CACNA1D: variants seen among roughly 807,000 people sequenced by gnomAD.
CACNA1D encodes voltage-dependent L-type calcium channel subunit alpha-1D.
Under a neutral mutation model 257.1 loss-of-function variants are expected in CACNA1D, and 55 were observed. That is an observed-to-expected ratio of 0.21 (90% CI 0.17 to 0.27). The LOEUF is 0.27. Among genes scored for constraint, CACNA1D ranks in the 10% least tolerant of loss-of-function variants. CACNA1D has a pLI of 1.00. For missense variants in CACNA1D, 1,876 were observed against 2,784.0 expected, an observed-to-expected ratio of 0.67 and a Z score of 7.34; for synonymous variants, 980 against 1,014.9, an observed-to-expected ratio of 0.97 and a Z score of 0.65.
intron 45 of CACNA1D, among the ~76,000 whole-genome samples, chr3:53,807,322 G>A (rs951342418): frequency 2.6e-5 from 4 of 152,224 alleles, no homozygotes; most frequent in African/African-American, 9.6e-5. Context: ...AGGCAGCCGT[G>A]TGTGTCCCAT....
intron 9 of CACNA1D, among the ~76,000 whole-genome samples, chr3:53,709,111 G>A (rs895446735): frequency 2.0e-5 from 3 of 152,214 alleles, no homozygotes; most frequent in African/African-American, 7.2e-5. Flanking sequence ...CCTCTGTTGT[G>A]TGGCTGCACC....
chr3:53,775,252 G>T (rs1303424329), intron 34 of CACNA1D, among the ~76,000 whole-genome samples: 1 of 152,166 alleles, frequency 6.6e-6, no homozygotes, highest in Non-Finnish European at 1.5e-5. Context: ...ATTGAACAGA[G>T]ACTTAAGTTG....
chr3:53,742,808 A>C (rs1460889522), intron 21 of CACNA1D, among the ~76,000 whole-genome samples: 1 of 152,224 alleles, frequency 6.6e-6, no homozygotes, highest in Admixed American at 6.5e-5. Context: ...TTCTTCTTTT[A>C]AAATGTATCC....
At chr3:53,804,798 C>CA (rs2095553818) in intron 44 of CACNA1D, among the ~76,000 whole-genome samples, 185 bp from the exon 45 acceptor site, 1 of 152,218 alleles carries the variant, frequency 6.6e-6, no homozygotes, top group African/African-American at 2.4e-5. Context: ...CACAGGCCTC[C>CA]AGTCCTGTAA....
chr3:53,781,737 G>T, intron 39 of CACNA1D, 70 bp downstream of exon 39: 1 of 1,048,834 alleles, frequency 9.5e-7, no homozygotes. Context: ...TCTCCAGAAA[G>T]TCCAGAGAGT....
intron 40 of CACNA1D, among the ~76,000 whole-genome samples, chr3:53,787,715 A>T (rs2095463148): frequency 6.6e-6 from 1 of 152,068 alleles, no homozygotes; most frequent in African/African-American, 2.4e-5. Flanking sequence ...TGGAGGGGCA[A>T]GGAAGGCACC....
At chr3:53,651,036 G>C in intron 4 of CACNA1D, 118 bp downstream of exon 4, 1 of 912,746 alleles carries the variant, frequency 1.1e-6, no homozygotes, top group East Asian at 2.4e-5. Flanking sequence ...TATGCCAGCT[G>C]TTGCACCAGA....
chr3:53,738,097 G>A (rs945448243), intron 20 of CACNA1D, among the ~76,000 whole-genome samples: 1 of 152,222 alleles, frequency 6.6e-6, no homozygotes, highest in African/African-American at 2.4e-5. Context: ...GACCAGCAGA[G>A]GGAGGCTGGC....
At chr3:53,676,997 CT>C (rs1207649570) in intron 8 of CACNA1D, among the ~76,000 whole-genome samples, 1 of 152,172 alleles carries the variant, frequency 6.6e-6, no homozygotes, top group Non-Finnish European at 1.5e-5. Context: ...GAAAGAATGT[CT>C]TCTTTAAGTC....
intron 3 of CACNA1D, among the ~76,000 whole-genome samples, chr3:53,542,015 T>G (rs1260364031): frequency 1.3e-5 from 2 of 151,878 alleles, no homozygotes. Flanking sequence ...GATAGGGAGG[T>G]GATAGCTAAA....
rs776629899 is a variant in CACNA1D, at chr3:53,660,291, TTCC to T, written c.766+18_766+20del. On this transcript the variant is annotated intron_variant, in intron 5 of 47. Coordinates refer to ENST00000350061, the MANE Select transcript of CACNA1D (RefSeq NM_001128840.3). ...GGAGTGCCCAGTAAGCACTTATTGTTTCCTAGAGTCAGGAGTGTGCTGGTTTTT... is the reference window on the plus strand; with the variant it reads ...GGAGTGCCCAGTAAGCACTTATTGTTTAGAGTCAGGAGTGTGCTGGTTTTT... The T allele has an allele frequency of 1.2e-4, 191 of 1,613,472 alleles. No individual in the cohort carries two copies. The highest frequency in any genetic ancestry group is 8.1e-4 in the South Asian group (74 of 91,060).
At chr3:53,651,714 C>A (rs576644678) in intron 4 of CACNA1D, among the ~76,000 whole-genome samples, 1 of 152,254 alleles carries the variant, frequency 6.6e-6, no homozygotes, top group South Asian at 2.1e-4. Context: ...TATCCTTTTT[C>A]CCAGTCTTAG....
chr3:53,563,818 G>T (rs1460738738), intron 3 of CACNA1D, among the ~76,000 whole-genome samples: 1 of 152,082 alleles, frequency 6.6e-6, no homozygotes, highest in Non-Finnish European at 1.5e-5. Context: ...TTTCTAAAAA[G>T]AGATAATTCA....
chr3:53,694,900 T>C (rs910542006), intron 8 of CACNA1D, among the ~76,000 whole-genome samples: 4 of 152,178 alleles, frequency 2.6e-5, no homozygotes, highest in African/African-American at 9.7e-5. Flanking sequence ...GGGCTCAGGC[T>C]GTGCTTGTTT....
At chr3:53,655,939 T>G (rs1047059516) in intron 4 of CACNA1D, among the ~76,000 whole-genome samples, 2 of 152,230 alleles carry the variant, frequency 1.3e-5, no homozygotes, top group African/African-American at 4.8e-5. Flanking sequence ...TTAATCCATC[T>G]TGAGTTGATT....
intron 3 of CACNA1D, among the ~76,000 whole-genome samples, chr3:53,576,287 G>A (rs2093036793): frequency 6.6e-6 from 1 of 152,152 alleles, no homozygotes; most frequent in South Asian, 2.1e-4. Context: ...TGACTCATAG[G>A]TCAGTTTGCT....
intron 3 of CACNA1D, among the ~76,000 whole-genome samples, chr3:53,537,411 G>A (rs535369097): frequency 3.0e-4 from 45 of 152,062 alleles, no homozygotes; most frequent in Non-Finnish European, 5.6e-4. Context: ...TTATTTTGAA[G>A]CAAATCTCAG....
chr3:53,793,741 C>T lies in CACNA1D; in HGVS notation c.4924-6508C>T, dbSNP rs2095495317. ...AGCCAGGAATCAGGAAAGCTGCTTCCAGCTTCAACTCAAAAGGGAAAGAAG... is the reference window on the plus strand; with the variant it reads ...AGCCAGGAATCAGGAAAGCTGCTTCTAGCTTCAACTCAAAAGGGAAAGAAG... On this transcript the variant is annotated intron_variant, in intron 40 of 47. Coordinates refer to ENST00000350061, the MANE Select transcript of CACNA1D (RefSeq NM_001128840.3). The surrounding 1 kb of genome is among the most constrained non-coding windows in gnomAD (Gnocchi z 4.1). 6.6e-6 allele frequency among the ~76,000 whole-genome samples: 1 copy of T among 152,214 alleles called. No individual in the cohort carries two copies.
At position 53,497,456 on chromosome 3, in the gene CACNA1D, A is replaced by T; in HGVS notation, c.372A>T (p.Glu124Asp). 1 of 1,613,986 alleles carries T rather than the reference A, an allele frequency of 6.2e-7. No individual in the cohort carries two copies. The highest frequency in any genetic ancestry group is 8.5e-7 in the Non-Finnish European group (1 of 1,179,868). The change falls in exon 2 of 48, where the codon GAA (glutamate) becomes GAT (aspartate). Residue 124 changes from glutamate to aspartate, a missense_variant. Coordinates refer to ENST00000350061, the MANE Select transcript of CACNA1D (RefSeq NM_001128840.3). ...GAAGAGCCTGCATTAGTATAGTGGAATGGAAGTATCCTTTTTTTGGGGGAA... is the reference window on the plus strand; with the variant it reads ...GAAGAGCCTGCATTAGTATAGTGGATTGGAAGTATCCTTTTTTTGGGGGAA... ...PIRRACISIV[E>D]WKPFDIFILL...
Sources: allele counts gnomAD v4.1 joint callset (sites outside exome capture counted in the v4.1 genomes callset), GRCh38; gene constraint gnomAD v4.1.1; non-coding constraint Gnocchi (gnomAD v3.1); transcripts MANE v1.5; gene names NCBI Gene and HGNC (gene_info 2026-07-23, HGNC 2026-07-21).